FSHR: variants seen among roughly 807,000 people sequenced by gnomAD.
The protein encoded by FSHR is follicle-stimulating hormone receptor.
Under a neutral mutation model 52.1 loss-of-function variants are expected in FSHR, and 46 were observed. That is an observed-to-expected ratio of 0.88 (90% CI 0.70 to 1.13). The LOEUF (loss-of-function observed/expected upper bound fraction) is 1.13. FSHR is among the 50% of genes most tolerant of loss of function. The pLI is 0.00. For synonymous variants in FSHR, 399 were observed against 309.6 expected (o/e 1.29, Z -3.03); for missense variants, 964 against 834.6 (o/e 1.16, Z -1.91).
intron 6 of FSHR, among the ~76,000 whole-genome samples, chr2:48,987,845 C>CACACAG (rs1321290823): frequency 6.6e-6 from 1 of 150,850 alleles, no homozygotes; most frequent in Non-Finnish European, 1.5e-5. Flanking sequence ...TCAACACACA[C>CACACAG]ACACACACAC....
At chr2:49,058,291 G>T (rs1669142080) in intron 2 of FSHR, among the ~76,000 whole-genome samples, 1 of 152,186 alleles carries the variant, frequency 6.6e-6, no homozygotes, top group Admixed American at 6.5e-5. Flanking sequence ...GCTCATGCCT[G>T]TAATCCCAGC....
intron 1 of FSHR, among the ~76,000 whole-genome samples, chr2:49,068,711 A>G (rs1031456669): frequency 1.1e-4 from 17 of 152,130 alleles, no homozygotes; most frequent in South Asian, 4.1e-4. Context: ...AATGAAACCA[A>G]TAGAAGAAAA....
chr2:49,087,962 A>G (rs574168947), intron 1 of FSHR, among the ~76,000 whole-genome samples: 11 of 152,360 alleles, frequency 7.2e-5, no homozygotes, highest in Admixed American at 3.9e-4. Context: ...ATTTAGCACT[A>G]GCTGTATCAG....
chr2:49,082,482 C>A (rs971779754), intron 1 of FSHR, among the ~76,000 whole-genome samples: 6 of 152,148 alleles, frequency 3.9e-5, no homozygotes, highest in African/African-American at 1.4e-4. Context: ...AGCAACGGAA[C>A]AAAGCTGGAC....
rs369145028 is a variant in FSHR, at chr2:48,962,688, G to T, written c.*45C>A. On this transcript the variant is annotated 3_prime_UTR_variant, in exon 10 of 10. Transcript: ENST00000406846. ...TTTGTGACATACCCTTCAAAGGCAA[G>T]ACTGAATTATCATTCAATACTCAGA... is the stretch of plus-strand genomic sequence containing the variant. The T allele has an allele frequency of 1.3e-6, 2 of 1,575,212 alleles. No individual in the cohort carries two copies. The highest frequency in any genetic ancestry group is 1.3e-5 in the African/African-American group (1 of 74,120).
At chr2:49,029,181 G>A (rs561941553) in intron 2 of FSHR, among the ~76,000 whole-genome samples, 22 of 152,158 alleles carry the variant, frequency 1.4e-4, no homozygotes, top group Middle Eastern at 3.2e-3. Flanking sequence ...TAATTTAACC[G>A]GAGACTACTC....
At chr2:49,151,526 T>C (rs1397911649) in intron 1 of FSHR, among the ~76,000 whole-genome samples, 1 of 152,140 alleles carries the variant, frequency 6.6e-6, no homozygotes, top group African/African-American at 2.4e-5. Context: ...AGCTGGCAGA[T>C]GTATCAAATG....
chr2:49,008,536 A>T (rs1667151412), intron 4 of FSHR, among the ~76,000 whole-genome samples: 1 of 151,852 alleles, frequency 6.6e-6, no homozygotes, highest in South Asian at 2.1e-4. Flanking sequence ...CCTTGGGTAT[A>T]TACCCAGTAA....
chr2:49,097,195 T>C (rs1024854068), intron 1 of FSHR, among the ~76,000 whole-genome samples: 2 of 152,238 alleles, frequency 1.3e-5, no homozygotes, highest in African/African-American at 4.8e-5. Flanking sequence ...TCTTTTTTTC[T>C]GTTCAGTTTC....
chr2:49,059,242 A>T (rs1669192071), intron 2 of FSHR, among the ~76,000 whole-genome samples: 2 of 152,036 alleles, frequency 1.3e-5, no homozygotes, highest in South Asian at 4.1e-4. Context: ...AGCCAACAAC[A>T]ATGCCGTCAT....
intron 2 of FSHR, among the ~76,000 whole-genome samples, chr2:49,040,891 C>T (rs968577470): frequency 3.3e-5 from 5 of 151,994 alleles, no homozygotes; most frequent in Admixed American, 2.0e-4. Context: ...CAGGGCCCAG[C>T]GTTGATTGAT....
chr2:48,962,901 C>A lies in FSHR; in HGVS notation c.1920G>T (p.Leu640=), dbSNP rs1330819765. The A allele has an allele frequency of 2.1e-5, 34 of 1,613,948 alleles. No individual in the cohort carries two copies. In the Admixed American group the frequency reaches 5.7e-4, roughly 27 times the overall value. Residue 640 remains leucine (L), a synonymous_variant, in exon 10 of 10, where the codon CTG becomes CTT. Coordinates refer to ENST00000406846, the MANE Select transcript of FSHR (RefSeq NM_000145.4). ...TTTCATAGCAGCCACACTTGCTCAG[C>A]AGAATGAAGAAATCTCTGCGAAAGT... is the stretch of plus-strand genomic sequence containing the variant. ...TKNFRRDFFI[L]LSKCGCYEMQ...
At chr2:48,987,604 T>C (rs928320400) in intron 6 of FSHR, among the ~76,000 whole-genome samples, 9 of 152,148 alleles carry the variant, frequency 5.9e-5, no homozygotes, top group Non-Finnish European at 1.3e-4. Context: ...AGCTAACTAC[T>C]GCTCATCTTT....
At chr2:49,003,761 G>A (rs927511078) in intron 4 of FSHR, among the ~76,000 whole-genome samples, 2 of 152,002 alleles carry the variant, frequency 1.3e-5, no homozygotes, top group Non-Finnish European at 2.9e-5. Context: ...TATAGTGATG[G>A]AGAAAACCTG....
intron 1 of FSHR, among the ~76,000 whole-genome samples, chr2:49,143,959 A>G (rs1265274876): frequency 6.6e-6 from 1 of 152,154 alleles, no homozygotes; most frequent in Non-Finnish European, 1.5e-5. Flanking sequence ...TATATTTAAA[A>G]GGCAGCCAGA....
chr2:48,991,380 T>C (rs2104104680), intron 4 of FSHR, among the ~76,000 whole-genome samples: 1 of 152,314 alleles, frequency 6.6e-6, no homozygotes, highest in South Asian at 2.1e-4. Flanking sequence ...GATTAGTTCC[T>C]AATCCCAAGG....
intron 1 of FSHR, among the ~76,000 whole-genome samples, chr2:49,088,774 A>C (rs1337011972): frequency 5.3e-5 from 8 of 152,210 alleles, no homozygotes. Context: ...TTTAGAGTCC[A>C]TGAACTCTGG....
intron 1 of FSHR, among the ~76,000 whole-genome samples, chr2:49,142,781 T>C (rs1162459502): frequency 6.6e-6 from 1 of 152,074 alleles, no homozygotes; most frequent in East Asian, 1.9e-4. Context: ...GTAGGGGAGA[T>C]ACGGATAAAT....
intron 1 of FSHR, among the ~76,000 whole-genome samples, chr2:49,113,768 C>T (rs1671507322): frequency 6.6e-6 from 1 of 152,092 alleles, no homozygotes; most frequent in Admixed American, 6.6e-5. Flanking sequence ...CCAAAAAGGA[C>T]ACTTGTGGGG....
Sources: gnomAD v4.1 joint callset for allele counts (sites outside exome capture counted in the v4.1 genomes callset) on GRCh38, gnomAD v4.1.1 for gene constraint, MANE v1.5 for transcripts, NCBI Gene and HGNC (gene_info 2026-07-23, HGNC 2026-07-21) for gene names.